CLSTN1: variants seen among roughly 807,000 people sequenced by gnomAD.
The protein encoded by CLSTN1 is calsyntenin-1.
Under a neutral mutation model 108.3 loss-of-function variants are expected in CLSTN1, and 28 were observed. The observed-to-expected ratio is 0.26, with a 90% CI of 0.19 to 0.35. The LOEUF (loss-of-function observed/expected upper bound fraction) is 0.35, where lower values mean the gene tolerates loss of function less well. CLSTN1 is among the 10% of genes least tolerant of loss of function. CLSTN1 has a pLI of 1.00. For synonymous variants in CLSTN1, 524 were observed against 534.9 expected (o/e 0.98, Z 0.28); for missense variants, 1,157 against 1,302.6 (o/e 0.89, Z 1.72).
Position 9,729,905 on chromosome 1 carries a change from GGAC to G in CLSTN1, c.*600_*602del, listed in dbSNP as rs1307557784. The stretch of plus-strand genomic sequence containing the variant: ...TCTCCCTCTGGGGTCTGGGGAGGGA[GGAC>G]CCGGCGGGAAGAGCCCGTGCTCAGA... On this transcript the variant is annotated 3_prime_UTR_variant, in exon 19 of 19. Transcript: ENST00000377298. 2.6e-5 allele frequency: 4 copies of G among 155,620 alleles called. No individual in the cohort carries two copies. The highest frequency in any genetic ancestry group is 5.7e-5 in the Non-Finnish European group (4 of 70,036). The allele number at this position is 155,620 out of a possible 1,614,324, so 9.6% of individuals were successfully genotyped here. A position where few individuals can be genotyped will look rare whatever the true frequency, so the allele number is the denominator to read the frequency against.
chr1:9,814,016 G>A (rs945821632), intron 1 of CLSTN1, among the ~76,000 whole-genome samples: 1 of 151,754 alleles, frequency 6.6e-6, no homozygotes, highest in African/African-American at 2.4e-5. Flanking sequence ...GCAGGAGAAT[G>A]GCATGAACCT....
intron 17 of CLSTN1, 53 bp downstream of exon 17, chr1:9,731,708 G>A: frequency 2.5e-6 from 4 of 1,594,406 alleles, no homozygotes; most frequent in East Asian, 2.2e-5. Flanking sequence ...TGGGGTGGGG[G>A]CAGGGCGGAC....
intron 2 of CLSTN1, among the ~76,000 whole-genome samples, chr1:9,769,351 CAGCATGACCCATAAT>C (rs1652553877): frequency 6.6e-6 from 1 of 151,994 alleles, no homozygotes; most frequent in South Asian, 2.1e-4. Flanking sequence ...ATGTTCACAG[CAGCATGACCCATAAT>C]AGCCAAAAAG....
rs201969556 is a variant in CLSTN1, at chr1:9,776,849, CATCTATCAGCATT to C, written c.92-3468_92-3456del. 2.5e-4 allele frequency among the ~76,000 whole-genome samples: 28 copies of C among 111,188 alleles called. No homozygotes were observed. The South Asian group carries it at 3.0e-3, about 12-fold the overall frequency. 72.9% of individuals were successfully genotyped at this position (111,188 alleles called of 152,430 possible). ...CTATCATCTATCAGCATTTATCTATCATCTATCAGCATTTATCTATCTATCTATCTATCTATCT... is the reference window on the plus strand; with the variant it reads ...CTATCATCTATCAGCATTTATCTATCTATCTATCTATCTATCTATCTATCT... On this transcript the variant is annotated intron_variant, in intron 1 of 18. Coordinates refer to ENST00000377298, the MANE Select transcript of CLSTN1 (RefSeq NM_001009566.3).
chr1:9,760,936 C>T (rs1424459256), intron 2 of CLSTN1, among the ~76,000 whole-genome samples: 1 of 152,000 alleles, frequency 6.6e-6, no homozygotes, highest in Non-Finnish European at 1.5e-5. Context: ...CAACCTCATC[C>T]GTTGCAGGGA....
chr1:9,789,481 T>C lies in CLSTN1; in HGVS notation c.92-16087A>G, dbSNP rs1276307428. Among the ~76,000 whole-genome samples, 4 of 151,622 alleles carry C rather than the reference T, an allele frequency of 2.6e-5. 1 individual carries two copies. The East Asian group carries it at 7.9e-4, about 30-fold the overall frequency. ...AGACAACAGAGAGTAAGAAGCCCCA[T>C]GTGCTCCTCACTAACCACTATAATG... is the stretch of plus-strand genomic sequence containing the variant. On this transcript the variant is annotated intron_variant, in intron 1 of 18. Transcript: ENST00000377298.
chr1:9,765,915 C>T (rs1214755963), intron 2 of CLSTN1, among the ~76,000 whole-genome samples: 1 of 152,026 alleles, frequency 6.6e-6, no homozygotes, highest in Non-Finnish European at 1.5e-5. Flanking sequence ...AACCAATTCA[C>T]TGCTGCAAGC....
rs150815340 is a variant in CLSTN1 at position 9,821,636 on chromosome 1, T to C, written c.91+2007A>G. On this transcript the variant is annotated intron_variant, in intron 1 of 18. Transcript: ENST00000377298. ...CGTACTGCCTTACAGCCGTAAAAAATTCAATTAGTTGAAATGATCTCTTAA... is the reference window on the plus strand; with the variant it reads ...CGTACTGCCTTACAGCCGTAAAAAACTCAATTAGTTGAAATGATCTCTTAA... Among the ~76,000 whole-genome samples, 876 of 152,276 alleles carry C rather than the reference T, an allele frequency of 5.8e-3. 9 individuals are homozygous for C. Among genetic ancestry groups the C allele is most frequent in the Middle Eastern group, 0.02 (6 of 294 alleles).
intron 16 of CLSTN1, 149 bp downstream of exon 16, chr1:9,733,252 C>G (rs1650501899): frequency 2.2e-6 from 2 of 922,776 alleles, no homozygotes; most frequent in Non-Finnish European, 3.3e-6. Context: ...GCAGCAGGCC[C>G]CAGGCTGGAA....
In CLSTN1 at chr1:9,755,108, A is replaced by G; in HGVS notation, c.440+6T>C. 6.2e-7 allele frequency: 1 copy of G among 1,606,402 alleles called. No homozygotes were observed. On this transcript the variant is annotated splice_donor_region_variant and intron_variant, in intron 4 of 18. Transcript: ENST00000377298. ...GTTATGTTCACTCTTTGTCCAGCTT[A>G]CTTACTTATGAGACTTTTTCACGTT...
In CLSTN1 at chr1:9,730,977, C is replaced by T; in HGVS notation, c.2748+229G>A. ...GAACTCTCTCAGGATTACCATGACC[C>T]AAGAGCGCCAAGCCCTGGCATGGCT... On this transcript the variant is annotated intron_variant, in intron 18 of 18. Coordinates refer to ENST00000377298, the MANE Select transcript of CLSTN1 (RefSeq NM_001009566.3). The surrounding 1 kb of genome is among the most constrained non-coding windows in gnomAD (Gnocchi z 5.6). The T allele has an allele frequency of 1.6e-6, 1 of 633,994 alleles. No homozygotes were observed. The allele number at this position is 633,994 out of a possible 1,614,324, so 39.3% of individuals were successfully genotyped here.
In CLSTN1 at chr1:9,734,857, T is replaced by G; in HGVS notation, c.2110+91A>C. 1.8e-6 allele frequency: 2 copies of G among 1,103,316 alleles called. No homozygotes were observed. Among genetic ancestry groups the G allele is most frequent in the Non-Finnish European group, 1.4e-6 (1 of 737,110 alleles). 68.3% of individuals were successfully genotyped at this position (1,103,316 alleles called of 1,614,324 possible). A position where few individuals can be genotyped will look rare whatever the true frequency, so the allele number is the denominator to read the frequency against. ...AACGAAAGATTAAAACCTCCCCAAA[T>G]CCCACAGAGACAAAGAGCCCCGCCA... is the stretch of plus-strand genomic sequence containing the variant. On this transcript the variant is annotated intron_variant, in intron 14 of 18. Transcript: ENST00000377298. The surrounding 1 kb of genome is among the most constrained non-coding windows in gnomAD (Gnocchi z 4.8).
intron 2 of CLSTN1, among the ~76,000 whole-genome samples, chr1:9,765,545 A>T (rs1260771887): frequency 1.3e-5 from 2 of 151,384 alleles, no homozygotes; most frequent in East Asian, 3.9e-4. Flanking sequence ...AGCCGAAATC[A>T]CTTGAACCCG....
chr1:9,778,223 AAC>A (rs57372437), intron 1 of CLSTN1, among the ~76,000 whole-genome samples: 22,346 of 134,244 alleles, frequency 0.17, 1,773 homozygotes, highest in Admixed American at 0.2. Flanking sequence ...TCTCCTCCCC[AAC>A]ACACACACAC....
chr1:9,738,646 T>G (rs976186873), intron 10 of CLSTN1, among the ~76,000 whole-genome samples: 1 of 152,184 alleles, frequency 6.6e-6, no homozygotes, highest in African/African-American at 2.4e-5. Context: ...TTAAACAATC[T>G]GTGGGGTTTT....
intron 1 of CLSTN1, among the ~76,000 whole-genome samples, chr1:9,792,354 G>A (rs1391575889): frequency 6.6e-6 from 1 of 151,488 alleles, no homozygotes; most frequent in Admixed American, 6.7e-5. Flanking sequence ...AATGTCACAG[G>A]TGTGATGTGG....
In CLSTN1 at chr1:9,744,438, G is replaced by A. The variant is rs764400696; in HGVS notation, c.1191C>T (p.Phe397=). Residue 397 remains phenylalanine (F), a synonymous_variant, in exon 8 of 19, where the codon TTC becomes TTT. Transcript: ENST00000377298. The part of the protein sequence containing the change: ...TISVWMRHGP[F]GRKKETILCS... ...AAAGAATTGTCTCCTTCTTCCTGCC[G>A]AATGGCCCATGTCTCATCCACACCG... The A allele has an allele frequency of 6.3e-5, 102 of 1,610,232 alleles. 1 individual carries two copies. Among genetic ancestry groups the A allele is most frequent in the Non-Finnish European group, 8.0e-5 (94 of 1,179,948 alleles).
intron 2 of CLSTN1, among the ~76,000 whole-genome samples, chr1:9,759,589 C>G (rs1410143181): frequency 1.3e-5 from 2 of 152,196 alleles, no homozygotes; most frequent in African/African-American, 2.4e-5. Context: ...GCCTCAAATA[C>G]AGTTTCTATA....
At position 9,729,837 on chromosome 1, in the gene CLSTN1, C is replaced by G. The variant is rs1650245467; in HGVS notation, c.*671G>C. The G allele has an allele frequency of 6.5e-6, 1 of 154,096 alleles. No homozygotes were observed. The highest frequency in any genetic ancestry group is 1.9e-4 in the East Asian group (1 of 5,176). The allele number at this position is 154,096 out of a possible 1,614,324, so 9.5% of individuals were successfully genotyped here. ...GTGGCCCCCGACTCCCAGCCATACT[C>G]AGACCTGAGCAGGGGCTGGGGCGGG... On this transcript the variant is annotated 3_prime_UTR_variant, in exon 19 of 19. Coordinates refer to ENST00000377298, the MANE Select transcript of CLSTN1 (RefSeq NM_001009566.3).
Sources: allele counts gnomAD v4.1 joint callset (sites outside exome capture counted in the v4.1 genomes callset), GRCh38; gene constraint gnomAD v4.1.1; non-coding constraint Gnocchi (gnomAD v3.1); transcripts MANE v1.5; gene names NCBI Gene and HGNC (gene_info 2026-07-23, HGNC 2026-07-21).